Variants in GRID2 observed in about 807,000 individuals in gnomAD.
GRID2 encodes glutamate ionotropic receptor delta type subunit 2.
Under a neutral mutation model 114.8 loss-of-function variants are expected in GRID2, and 33 were observed. The observed-to-expected ratio is 0.29, with a 90% CI of 0.22 to 0.38. The LOEUF (loss-of-function observed/expected upper bound fraction) is 0.38, where lower values mean the gene tolerates loss of function less well. Among genes scored for constraint, GRID2 ranks in the 10% least tolerant of loss-of-function variants. The pLI, the probability that GRID2 is intolerant of heterozygous loss-of-function variation, is 1.00. For missense variants in GRID2, 1,184 were observed against 1,257.7 expected (o/e 0.94, Z 0.89); for synonymous variants, 505 against 449.9 (o/e 1.12, Z -1.55).
chr4:93,615,638 C>CGAAA (rs528767394), intron 13 of GRID2, among the ~76,000 whole-genome samples: 1 of 146,080 alleles, frequency 6.8e-6, no homozygotes. Flanking sequence ...GGCCTTCACC[C>CGAAA]CAAAAAAAAA....
chr4:93,770,921 A>T (rs1200663050), intron 15 of GRID2, among the ~76,000 whole-genome samples: 1 of 152,290 alleles, frequency 6.6e-6, no homozygotes, highest in East Asian at 1.9e-4. Flanking sequence ...GCATTAATGG[A>T]TATTTTTTAT....
At chr4:93,025,912 A>G (rs988954982) in intron 2 of GRID2, among the ~76,000 whole-genome samples, 1 of 151,786 alleles carries the variant, frequency 6.6e-6, no homozygotes, top group African/African-American at 2.4e-5. Flanking sequence ...AATTTTAGAA[A>G]TGGAACCAAG....
At chr4:92,588,834 G>A (rs1430848649) in intron 1 of GRID2, among the ~76,000 whole-genome samples, 6 of 152,014 alleles carry the variant, frequency 3.9e-5, no homozygotes, top group African/African-American at 1.5e-4. Flanking sequence ...CAGGCACAGC[G>A]GCTCACTCCT....
chr4:93,464,561 T>C (rs1203842182), intron 11 of GRID2, among the ~76,000 whole-genome samples: 1 of 152,224 alleles, frequency 6.6e-6, no homozygotes, highest in Non-Finnish European at 1.5e-5. Context: ...GTACAAGCTT[T>C]ACTTGATTGT....
intron 2 of GRID2, among the ~76,000 whole-genome samples, chr4:92,927,074 A>G (rs1171043557): frequency 6.6e-6 from 1 of 151,922 alleles, no homozygotes; most frequent in Admixed American, 6.6e-5. Context: ...AAATAATAAA[A>G]TGAGACAACA....
intron 8 of GRID2, among the ~76,000 whole-genome samples, chr4:93,382,828 G>A (rs968136345): frequency 1.3e-5 from 2 of 150,948 alleles, no homozygotes; most frequent in East Asian, 1.9e-4. Context: ...AATTAGACAT[G>A]TGACTGTAGT....
chr4:93,594,832 A>C lies in GRID2; in HGVS notation c.2194-31437A>C, dbSNP rs545573004. Among the ~76,000 whole-genome samples the C allele has an allele frequency of 3.0e-3, 460 of 151,930 alleles. 3 individuals carry two copies. Among genetic ancestry groups the C allele is most frequent in the South Asian group, 8.8e-3 (42 of 4,796 alleles). ...CCCGATTTTCCAGGTGCCGTCCATC[A>C]CCCCTTTCTTTGATTAGGAAAGGGA... is the stretch of plus-strand genomic sequence containing the variant. On this transcript the variant is annotated intron_variant, in intron 13 of 15. Coordinates refer to ENST00000282020, the MANE Select transcript of GRID2 (RefSeq NM_001510.4).
intron 2 of GRID2, among the ~76,000 whole-genome samples, chr4:92,807,949 A>C (rs939360933): frequency 2.0e-5 from 3 of 152,022 alleles, no homozygotes; most frequent in Admixed American, 1.3e-4. Flanking sequence ...CTGTGAACAT[A>C]TTACCTACTT....
intron 1 of GRID2, among the ~76,000 whole-genome samples, chr4:92,440,801 T>G (rs1276186657): frequency 2.0e-5 from 3 of 152,000 alleles, no homozygotes; most frequent in African/African-American, 7.2e-5. Context: ...ATCAGAGAGA[T>G]ACAGTTATGG....
intron 1 of GRID2, among the ~76,000 whole-genome samples, chr4:93,785,901 C>T (rs1734581644): frequency 6.6e-6 from 1 of 152,110 alleles, no homozygotes; most frequent in African/African-American, 2.4e-5. Flanking sequence ...TGGGTCTGGG[C>T]TTGTAATTGA....
chr4:93,809,647 C>T (rs1002080898), exon 2 of GRID2: 8 of 152,186 alleles, frequency 5.3e-5, no homozygotes, highest in East Asian at 3.9e-4. Context: ...AGGGAAAAAT[C>T]GATTCATTGT....
chr4:92,471,243 A>T lies in GRID2; in HGVS notation c.89-118888A>T, dbSNP rs528742634. Among the ~76,000 whole-genome samples the T allele has an allele frequency of 2.0e-5, 3 of 152,168 alleles. No homozygotes were observed. The South Asian group carries it at 6.2e-4, about 32-fold the overall frequency. ...TAGGATCATGTTTTAATTATTGTTG[A>T]TCTGCAAAATATTCTATTGGGCATC... On this transcript the variant is annotated intron_variant, in intron 1 of 15. Transcript: ENST00000282020.
chr4:92,446,845 G>A (rs1733497461), intron 1 of GRID2, among the ~76,000 whole-genome samples: 1 of 152,162 alleles, frequency 6.6e-6, no homozygotes, highest in Admixed American at 6.5e-5. Flanking sequence ...ATGATTAACA[G>A]CAGAAGTTCT....
chr4:92,976,192 AAAT>A (rs1753860945), intron 2 of GRID2, among the ~76,000 whole-genome samples: 2 of 152,280 alleles, frequency 1.3e-5, no homozygotes, highest in South Asian at 4.1e-4. Flanking sequence ...GGTCAAGTAA[AAAT>A]AAAAATTAAC....
chr4:93,142,648 T>A (rs981527901), intron 4 of GRID2, among the ~76,000 whole-genome samples: 5 of 152,216 alleles, frequency 3.3e-5, no homozygotes, highest in Admixed American at 6.5e-5. Flanking sequence ...AAGGTAACAA[T>A]TATAACACAG....
chr4:93,540,258 T>C (rs969102000), intron 13 of GRID2, among the ~76,000 whole-genome samples: 1 of 152,016 alleles, frequency 6.6e-6, no homozygotes. Context: ...TCTAAATATA[T>C]ATATAAGGAT....
Position 93,652,506 on chromosome 4 carries a change from A to G in GRID2, c.2360+26071A>G, listed in dbSNP as rs116765747. 5.7e-3 allele frequency among the ~76,000 whole-genome samples: 875 copies of G among 152,210 alleles called. 11 individuals carry two copies. Among genetic ancestry groups the G allele is most frequent in the African/African-American group, 0.019 (806 of 41,528 alleles). On this transcript the variant is annotated intron_variant, in intron 14 of 15. Transcript: ENST00000282020. ...GTTACAATTGCCCACAGTATTCTGTATAGTAACATGCAGTACAGGTTTGAA... is the reference window on the plus strand; with the variant it reads ...GTTACAATTGCCCACAGTATTCTGTGTAGTAACATGCAGTACAGGTTTGAA...
intron 1 of GRID2, among the ~76,000 whole-genome samples, chr4:92,416,351 G>A (rs970364662): frequency 9.9e-5 from 15 of 152,044 alleles, no homozygotes; most frequent in Non-Finnish European, 1.8e-4. Context: ...CCACTCTGTG[G>A]GTTGTCTGTT....
At chr4:93,214,005 A>C (rs1743892984) in intron 5 of GRID2, among the ~76,000 whole-genome samples, 2 of 152,080 alleles carry the variant, frequency 1.3e-5, no homozygotes, top group Non-Finnish European at 2.9e-5. Flanking sequence ...AAAATACTTA[A>C]TCATTTGTTA....
Sources: gnomAD v4.1 joint callset for allele counts (sites outside exome capture counted in the v4.1 genomes callset) on GRCh38, gnomAD v4.1.1 for gene constraint, MANE v1.5 for transcripts, NCBI Gene and HGNC (gene_info 2026-07-23, HGNC 2026-07-21) for gene names.